RALGAPA1: variants seen among roughly 807,000 people sequenced by gnomAD.
RALGAPA1 encodes the protein ral GTPase-activating protein subunit alpha-1.
In RALGAPA1, 52 loss-of-function variants were observed where a neutral mutation model predicts 269.6. The observed-to-expected ratio is 0.19, with a 90% CI of 0.15 to 0.24. The LOEUF (loss-of-function observed/expected upper bound fraction) is 0.24. RALGAPA1 is among the 10% of genes least tolerant of loss of function. The pLI is 1.00. For missense variants in RALGAPA1, 1,917 were observed against 3,013.9 expected (o/e 0.64, Z 8.52); for synonymous variants, 817 against 1,008.3 (o/e 0.81, Z 3.60).
At chr14:35,561,633 T>TA (rs2056267798) in intron 39 of RALGAPA1, among the ~76,000 whole-genome samples, 1 of 149,696 alleles carries the variant, frequency 6.7e-6, no homozygotes, top group Non-Finnish European at 1.5e-5. Flanking sequence ...TCAAGCCTCC[T>TA]GAGTAGCTGG....
intron 12 of RALGAPA1, among the ~76,000 whole-genome samples, chr14:35,731,766 G>A (rs1014120289): frequency 6.6e-6 from 1 of 152,136 alleles, no homozygotes; most frequent in African/African-American, 2.4e-5. Flanking sequence ...AAGAATAATT[G>A]GTGTTCCTGA....
At chr14:35,672,470 G>A (rs1415312005) in intron 25 of RALGAPA1, among the ~76,000 whole-genome samples, 1 of 151,866 alleles carries the variant, frequency 6.6e-6, no homozygotes, top group Non-Finnish European at 1.5e-5. Flanking sequence ...TTCTTAGATT[G>A]AAAAAAACCT....
intron 39 of RALGAPA1, among the ~76,000 whole-genome samples, chr14:35,554,021 TAGTA>T (rs1259267149): frequency 6.6e-6 from 1 of 152,126 alleles, no homozygotes; most frequent in East Asian, 1.9e-4. Context: ...ATTCCAAAAA[TAGTA>T]AGCACAGGAA....
chr14:35,557,973 A>C lies in RALGAPA1; in HGVS notation c.7497-8739T>G, dbSNP rs144735658. On this transcript the variant is annotated intron_variant, in intron 39 of 41. Transcript: ENST00000680220. ...CCCTGGAGTCTGAAAATAAGCATTA[A>C]TTTTTTTTTCAGGTTGTAGATCATT... 6.6e-5 allele frequency among the ~76,000 whole-genome samples: 10 copies of C among 151,728 alleles called. No individual in the cohort carries two copies. In the East Asian group the frequency reaches 1.9e-3, roughly 29 times the overall value.
At chr14:35,751,309 G>A (rs2072662247) in intron 8 of RALGAPA1, among the ~76,000 whole-genome samples, 1 of 152,152 alleles carries the variant, frequency 6.6e-6, no homozygotes, top group African/African-American at 2.4e-5. Flanking sequence ...TATTCACACA[G>A]AATTTGAATA....
chr14:35,745,151 A>C (rs1356980593), intron 10 of RALGAPA1, among the ~76,000 whole-genome samples: 1 of 152,166 alleles, frequency 6.6e-6, no homozygotes. Flanking sequence ...ATAAAACCAG[A>C]GTGATAATTT....
intron 41 of RALGAPA1, 142 bp downstream of exon 41, chr14:35,548,366 G>A: frequency 2.0e-6 from 1 of 492,460 alleles, no homozygotes; most frequent in Non-Finnish European, 3.4e-6. Context: ...AAAAAATTTA[G>A]TGACAATTTC....
chr14:35,638,612 G>A (rs1484924975), intron 31 of RALGAPA1, among the ~76,000 whole-genome samples: 1 of 152,076 alleles, frequency 6.6e-6, no homozygotes, highest in African/African-American at 2.4e-5. Flanking sequence ...AGTGGAAGGA[G>A]TAAGTACCTA....
Position 35,548,516 on chromosome 14 carries a change from A to G in RALGAPA1, c.*15T>C. 6.3e-7 allele frequency: 1 copy of G among 1,579,142 alleles called. No individual in the cohort carries two copies. Among genetic ancestry groups the G allele is most frequent in the East Asian group, 2.3e-5 (1 of 43,638 alleles). On this transcript the variant is annotated 3_prime_UTR_variant, in exon 41 of 42. Transcript: ENST00000680220. The stretch of plus-strand genomic sequence containing the variant: ...TTGACACTTTGTCTTACCTTCAGAT[A>G]AACAGAACTGATATTTAATGATCTA...
At chr14:35,654,268 C>A in intron 30 of RALGAPA1, 99 bp downstream of exon 30, 3 of 1,261,272 alleles carry the variant, frequency 2.4e-6, no homozygotes, top group Non-Finnish European at 3.1e-6. Flanking sequence ...TTTAGCTATG[C>A]AAAAAAATTT....
At chr14:35,747,738 A>G (rs999732028) in intron 10 of RALGAPA1, among the ~76,000 whole-genome samples, 7 of 152,176 alleles carry the variant, frequency 4.6e-5, no homozygotes, top group Non-Finnish European at 1.0e-4. Context: ...TGCAAAACTC[A>G]ATGTTGTTTA....
chr14:35,720,181 C>T (rs948792190), intron 16 of RALGAPA1, among the ~76,000 whole-genome samples: 2 of 152,208 alleles, frequency 1.3e-5, no homozygotes, highest in Admixed American at 1.3e-4. Flanking sequence ...CCATTATATT[C>T]ATTTTAATAC....
chr14:35,604,722 A>G (rs2059489415), intron 36 of RALGAPA1, among the ~76,000 whole-genome samples: 2 of 152,146 alleles, frequency 1.3e-5, no homozygotes, highest in South Asian at 4.1e-4. Context: ...AGTGTACTAT[A>G]TAATAAATAT....
At chr14:35,768,909 G>A (rs2074360708) in intron 4 of RALGAPA1, among the ~76,000 whole-genome samples, 1 of 148,438 alleles carries the variant, frequency 6.7e-6, no homozygotes, top group South Asian at 2.2e-4. Context: ...TCGGGAGGCT[G>A]AGGCAGGAAG....
intron 9 of RALGAPA1, among the ~76,000 whole-genome samples, chr14:35,749,452 C>G (rs2072463868): frequency 6.6e-6 from 1 of 152,072 alleles, no homozygotes; most frequent in Non-Finnish European, 1.5e-5. Context: ...TGGTGATAAG[C>G]AAATTACTAT....
rs758165730 is a variant in RALGAPA1 at position 35,792,883 on chromosome 14, A to G, written c.106+15847T>C. Among the ~76,000 whole-genome samples, 290 of 67,186 alleles carry G rather than the reference A, an allele frequency of 4.3e-3. 2 individuals carry two copies. The East Asian group carries it at 0.053, about 12-fold the overall frequency. 44.1% of individuals were successfully genotyped at this position (67,186 alleles called of 152,430 possible). A position where few individuals can be genotyped will look rare whatever the true frequency, so the allele number is the denominator to read the frequency against. Reference sequence around the variant, plus strand: ...GGCCATGTAAGAGATTCAAGAGGGGAAAAAAAAAAAAAAAAGACCTGCATA... The same window carrying G: ...GGCCATGTAAGAGATTCAAGAGGGGGAAAAAAAAAAAAAAAGACCTGCATA... On this transcript the variant is annotated intron_variant, in intron 1 of 41. Transcript: ENST00000680220.
intron 1 of RALGAPA1, among the ~76,000 whole-genome samples, chr14:35,777,706 G>A (rs1485370242): frequency 6.6e-6 from 1 of 152,050 alleles, no homozygotes; most frequent in African/African-American, 2.4e-5. Flanking sequence ...GGGATTACAG[G>A]TGCCCACTAT....
Position 35,620,284 on chromosome 14 carries a change from G to C in RALGAPA1, c.6929+5077C>G, listed in dbSNP as rs1386411239. Among the ~76,000 whole-genome samples, 3 of 152,092 alleles carry C rather than the reference G, an allele frequency of 2.0e-5. No individual in the cohort carries two copies. In the East Asian group the frequency reaches 5.8e-4, roughly 29 times the overall value. On this transcript the variant is annotated intron_variant, in intron 35 of 41. Transcript: ENST00000680220. Reference sequence around the variant, plus strand: ...CCACATGATTATCTTAATAGATGCAGAAAAGGCCTTTGACAAAATTCAACA... The same window carrying C: ...CCACATGATTATCTTAATAGATGCACAAAAGGCCTTTGACAAAATTCAACA...
intron 10 of RALGAPA1, among the ~76,000 whole-genome samples, chr14:35,745,100 G>A (rs2071924596): frequency 1.3e-5 from 2 of 152,166 alleles, no homozygotes; most frequent in African/African-American, 4.8e-5. Context: ...AATATGAATT[G>A]TGAGGAAAGA....
Sources: allele counts gnomAD v4.1 joint callset (sites outside exome capture counted in the v4.1 genomes callset), GRCh38; gene constraint gnomAD v4.1.1; transcripts MANE v1.5; gene names NCBI Gene and HGNC (gene_info 2026-07-23, HGNC 2026-07-21).